ZSWIM4: variants seen among roughly 807,000 people sequenced by gnomAD.
ZSWIM4 encodes zinc finger SWIM-type containing 4, also known as zinc finger SWIM domain-containing protein 4.
ZSWIM4 carries 62 observed loss-of-function variants against 102.5 expected under a neutral mutation model. That is an observed-to-expected ratio of 0.60 (90% CI 0.49 to 0.75). ZSWIM4 has a LOEUF of 0.75. ZSWIM4 is among the 30% of genes least tolerant of loss of function. ZSWIM4 has a pLI of 0.00. For missense variants in ZSWIM4, 1,280 were observed against 1,529.6 expected (o/e 0.84, Z 2.72); for synonymous variants, 652 against 674.5 (o/e 0.97, Z 0.52).
At chr19:13,818,141 G>A (rs1368087681) in intron 9 of ZSWIM4, among the ~76,000 whole-genome samples, 165 bp downstream of exon 9, 3 of 151,816 alleles carry the variant, frequency 2.0e-5, no homozygotes, top group Non-Finnish European at 2.9e-5. Flanking sequence ...TCTAAAAGGA[G>A]AGAGCCAGCT....
At chr19:13,802,703 C>G (rs1974807313) in intron 2 of ZSWIM4, among the ~76,000 whole-genome samples, 2 of 152,080 alleles carry the variant, frequency 1.3e-5, no homozygotes, top group East Asian at 1.9e-4. Context: ...CTCAGCCTCC[C>G]AAGTAGTTGG....
chr19:13,803,090 TC>T (rs1417596306), intron 2 of ZSWIM4, among the ~76,000 whole-genome samples: 6 of 152,364 alleles, frequency 3.9e-5, no homozygotes, highest in African/African-American at 1.4e-4. Flanking sequence ...AGGCCATTTC[TC>T]CCAGCTAGAG....
At chr19:13,798,095 G>A (rs1264980478) in intron 1 of ZSWIM4, among the ~76,000 whole-genome samples, 1 of 152,226 alleles carries the variant, frequency 6.6e-6, no homozygotes, top group Admixed American at 6.6e-5. Flanking sequence ...CATACATAAA[G>A]TGTTCAGCAT....
intron 2 of ZSWIM4, among the ~76,000 whole-genome samples, chr19:13,804,432 T>C (rs2145270552): frequency 6.6e-6 from 1 of 151,746 alleles, no homozygotes; most frequent in Middle Eastern, 3.4e-3. Context: ...ATCACACCAT[T>C]GCACTCCTGC....
intron 5 of ZSWIM4, 38 bp from the exon 6 acceptor site, chr19:13,812,959 G>C: frequency 6.4e-7 from 1 of 1,566,202 alleles, no homozygotes; most frequent in Admixed American, 1.8e-5. Flanking sequence ...TGCTGCCACT[G>C]TTGGCAGGAA....
intron 11 of ZSWIM4, among the ~76,000 whole-genome samples, chr19:13,824,447 A>C (rs1025062382): frequency 4.6e-5 from 7 of 152,064 alleles, no homozygotes; most frequent in Non-Finnish European, 1.0e-4. Flanking sequence ...AAATGCAAAA[A>C]TTAGCCAGGC....
chr19:13,802,982 G>A (rs772302880), intron 2 of ZSWIM4, among the ~76,000 whole-genome samples: 1 of 152,202 alleles, frequency 6.6e-6, no homozygotes, highest in Non-Finnish European at 1.5e-5. Context: ...ATAGTGGAAA[G>A]GCCTTGGATC....
intron 12 of ZSWIM4, among the ~76,000 whole-genome samples, chr19:13,827,588 C>CAAAAAAAAAAAAAA (rs35504300): frequency 1.4e-5 from 1 of 72,514 alleles, no homozygotes; most frequent in Non-Finnish European, 2.7e-5. Flanking sequence ...GTGAGACCCT[C>CAAAAAAAAAAAAAA]AAAAAAAAAA....
At position 13,825,500 on chromosome 19, in the gene ZSWIM4, C is replaced by G. The variant is rs746278930; in HGVS notation, c.2216-50C>G. The G allele has an allele frequency of 3.8e-6, 6 of 1,587,228 alleles. No homozygotes were observed. In the African/African-American group the frequency reaches 8.1e-5, roughly 21 times the overall value. ...GAACAGGTCGGGTGGTGGTCAGAGG[C>G]TGGTGCTGAGGTGTATCCGATGGTG... On this transcript the variant is annotated intron_variant, in intron 11 of 13. Coordinates refer to ENST00000590508, the MANE Select transcript of ZSWIM4 (RefSeq NM_001367834.3). This position sits in a 1 kb window ranked among gnomAD's most constrained non-coding sequence, Gnocchi z 4.6.
At position 13,799,677 on chromosome 19, in the gene ZSWIM4, T is replaced by C. The variant is rs373720274; in HGVS notation, c.154-43T>C. 57 of 1,598,524 alleles carry C rather than the reference T, an allele frequency of 3.6e-5. 1 individual carries two copies. In the African/African-American group the frequency reaches 6.4e-4, roughly 18 times the overall value. On this transcript the variant is annotated intron_variant, in intron 1 of 13. Coordinates refer to ENST00000590508, the MANE Select transcript of ZSWIM4 (RefSeq NM_001367834.3). ...TCCTAAGCTTCCCAAAGCGCTGGGA[T>C]TACATCAACCCCAGGCTCCTAACCC...
chr19:13,805,072 C>T lies in ZSWIM4; in HGVS notation c.636C>T (p.His212=). The T allele has an allele frequency of 6.2e-7, 1 of 1,608,064 alleles. No individual in the cohort carries two copies. Among genetic ancestry groups the T allele is most frequent in the Non-Finnish European group, 8.5e-7 (1 of 1,179,994 alleles). Residue 212 remains histidine (H), a synonymous_variant, in exon 3 of 14, where the codon CAC becomes CAT. Transcript: ENST00000590508. ...KFVQYLISAH[H]TEVLPTAQRL... Reference sequence around the variant, plus strand: ...TGCAGTACCTCATCAGCGCCCATCACACTGAGGTGCTGCCCACTGCTCAGC... The same window carrying T: ...TGCAGTACCTCATCAGCGCCCATCATACTGAGGTGCTGCCCACTGCTCAGC...
intron 6 of ZSWIM4, 32 bp from the exon 7 acceptor site, chr19:13,814,483 C>T (rs1228755511): frequency 8.9e-7 from 1 of 1,120,632 alleles, no homozygotes; most frequent in South Asian, 1.8e-5. Flanking sequence ...GGGACCCCCC[C>T]TCACTGAGCC....
chr19:13,814,451 TG>T (rs1975204220), intron 6 of ZSWIM4, 63 bp from the exon 7 acceptor site: 1 of 960,908 alleles, frequency 1.0e-6, no homozygotes. Context: ...TGGGAAAAGC[TG>T]GACACGGCTC....
chr19:13,824,353 G>A (rs1975548426), intron 11 of ZSWIM4, among the ~76,000 whole-genome samples: 1 of 152,140 alleles, frequency 6.6e-6, no homozygotes, highest in Non-Finnish European at 1.5e-5. Context: ...CTTGAGGCCA[G>A]GAGTTCGGGA....
rs1171885744 is a variant in ZSWIM4 at position 13,830,691 on chromosome 19, C to T, written c.2962C>T (p.Arg988Cys). 3 of 1,606,214 alleles carry T rather than the reference C, an allele frequency of 1.9e-6. No individual in the cohort carries two copies. The highest frequency in any genetic ancestry group is 1.1e-5 in the South Asian group (1 of 90,934). Residue 988 changes from arginine to cysteine, a missense_variant, in exon 14 of 14, where the codon CGC (arginine) becomes TGC (cysteine). By Grantham distance (180) the Arg-to-Cys change is radical (BLOSUM62 -3). Coordinates refer to ENST00000590508, the MANE Select transcript of ZSWIM4 (RefSeq NM_001367834.3). ...ELSAIVPLIIRSIHCAPMLSD... is the reference protein window; with the variant it reads ...ELSAIVPLIICSIHCAPMLSD... ...CTCTGCCATCGTCCCCCTCATCATT[C>T]GCAGCATCCACTGTGCCCCAATGCT...
chr19:13,802,798 C>T (rs1004040800), intron 2 of ZSWIM4, among the ~76,000 whole-genome samples: 2 of 151,970 alleles, frequency 1.3e-5, no homozygotes, highest in African/African-American at 2.4e-5. Context: ...AGGCTGGTCT[C>T]GAACTCCTGG....
At chr19:13,821,821 A>G (rs1171733832) in intron 10 of ZSWIM4, among the ~76,000 whole-genome samples, 1 of 151,648 alleles carries the variant, frequency 6.6e-6, no homozygotes, top group Admixed American at 6.6e-5. Context: ...TGCAAGCTCC[A>G]AACCTCCCGG....
chr19:13,804,339 G>C (rs970218843), intron 2 of ZSWIM4, among the ~76,000 whole-genome samples: 1 of 151,904 alleles, frequency 6.6e-6, no homozygotes, highest in Admixed American at 6.6e-5. Context: ...GCATGGTGGC[G>C]CATGCCTGTA....
At chr19:13,797,558 GGAA>G (rs544804407) in intron 1 of ZSWIM4, among the ~76,000 whole-genome samples, 165 of 152,314 alleles carry the variant, frequency 1.1e-3, no homozygotes, top group Non-Finnish European at 8.5e-4. Context: ...AGGCCACACT[GGAA>G]GAAGAACTGT....
Sources: gnomAD v4.1 joint callset for allele counts (sites outside exome capture counted in the v4.1 genomes callset) on GRCh38, gnomAD v4.1.1 for gene constraint, Gnocchi (gnomAD v3.1) non-coding constraint, MANE v1.5 for transcripts, NCBI Gene and HGNC (gene_info 2026-07-23, HGNC 2026-07-21) for gene names.